Variants in KLHL4 observed in about 807,000 individuals in gnomAD.
KLHL4 encodes the protein kelch-like protein 4.
In KLHL4, 17 loss-of-function variants were observed where a neutral mutation model predicts 45.8. The observed-to-expected ratio is 0.37, with a 90% confidence interval of 0.25 to 0.56. The LOEUF (loss-of-function observed/expected upper bound fraction) is 0.56. KLHL4 is among the 20% of genes least tolerant of loss of function. The probability of loss-of-function intolerance (pLI) is 0.79; values close to 1 mark genes in which losing one functional copy is unlikely to be tolerated. For synonymous variants in KLHL4, 224 were observed against 189.9 expected, an observed-to-expected ratio of 1.18 and a Z score of -1.47; for missense variants, 544 against 544.9, an observed-to-expected ratio of 1.00 and a Z score of 0.02.
chrX:87,615,680 C>T (rs1358945795), intron 3 of KLHL4, among the ~76,000 whole-genome samples: 3 of 111,277 alleles, frequency 2.7e-5, no homozygotes, highest in African/African-American at 9.8e-5. Context: ...GATACTACAA[C>T]ATGGATGAAG....
chrX:87,638,694 C>G (rs1419329304), intron 9 of KLHL4, among the ~76,000 whole-genome samples: 2 of 111,349 alleles, frequency 1.8e-5, no homozygotes, highest in South Asian at 3.7e-4. Flanking sequence ...AAAAGGAGCT[C>G]TAAATCATGA....
At chrX:87,622,547 C>A in intron 5 of KLHL4, 124 bp downstream of exon 5, 2 of 431,828 alleles carry the variant, frequency 4.6e-6, no homozygotes, top group Non-Finnish European at 7.7e-6. Context: ...GTACAAGATT[C>A]GTTTCACAGA....
In KLHL4 at chrX:87,517,843, G is replaced by A; in HGVS notation, c.-51G>A. On this transcript the variant is annotated 5_prime_UTR_variant, in exon 1 of 11. Transcript: ENST00000373119. ...AGGCAGAAAAACAAGAGATAACAAAGGCTCCGTTTCCTTTCTGTGAGAGAA... is the reference window on the plus strand; with the variant it reads ...AGGCAGAAAAACAAGAGATAACAAAAGCTCCGTTTCCTTTCTGTGAGAGAA... 1 of 1,124,456 alleles carries A rather than the reference G, an allele frequency of 8.9e-7. No homozygotes were observed. The highest frequency in any genetic ancestry group is 2.1e-5 in the South Asian group (1 of 47,866). The allele number at this position is 1,124,456 out of a possible 1,213,427, so 92.7% of individuals were successfully genotyped here.
chrX:87,551,901 CT>C (rs1327772790), intron 1 of KLHL4, among the ~76,000 whole-genome samples: 3 of 111,575 alleles, frequency 2.7e-5, no homozygotes, highest in Non-Finnish European at 5.7e-5. Flanking sequence ...CAAAAATCAA[CT>C]CAAGAGGGAT....
intron 1 of KLHL4, among the ~76,000 whole-genome samples, chrX:87,582,316 C>T (rs755510605): frequency 1.8e-5 from 2 of 111,695 alleles, no homozygotes; most frequent in Non-Finnish European, 3.8e-5. Context: ...TCTGGAATCG[C>T]GGATGCCACC....
At chrX:87,617,753 C>A (rs5924067) in intron 3 of KLHL4, among the ~76,000 whole-genome samples, 179 bp from the exon 4 acceptor site, 41,595 of 110,358 alleles carry the variant, frequency 0.38, 6,023 homozygotes, top group Middle Eastern at 0.48. Context: ...TTCATTTCAG[C>A]CATCTTATTA....
intron 4 of KLHL4, 77 bp downstream of exon 4, chrX:87,618,205 T>G: frequency 1.3e-6 from 1 of 789,910 alleles, no homozygotes; most frequent in Non-Finnish European, 1.7e-6. Flanking sequence ...CAACATAAAC[T>G]TATATAACTT....
rs781746904 is a variant in KLHL4 at position 87,614,451 on chromosome X, T to C, written c.608T>C (p.Val203Ala). ...IPAHRLVLSA[V>A]SDYFAAMFTN... ...ATTTCCAGGTTGGTTCTCAGCGCAG[T>C]GTCTGATTATTTTGCTGCAATGTTT... The change falls in exon 3 of 11, where the codon GTG (valine) becomes GCG (alanine). Residue 203 changes from valine (V) to alanine (A), a missense_variant. By Grantham distance (64) the Val-to-Ala change is moderately conservative (BLOSUM62 0). Coordinates refer to ENST00000373119, the MANE Select transcript of KLHL4 (RefSeq NM_019117.5). The C allele has an allele frequency of 8.3e-7, 1 of 1,208,498 alleles. No individual in the cohort carries two copies. Among genetic ancestry groups the C allele is most frequent in the African/African-American group, 1.7e-5 (1 of 57,665 alleles).
Position 87,613,873 on chromosome X carries a change from T to C in KLHL4, c.423-4T>C, listed in dbSNP as rs1922462882. The C allele has an allele frequency of 8.6e-7, 1 of 1,159,384 alleles. No individual in the cohort carries two copies. Among genetic ancestry groups the C allele is most frequent in the Non-Finnish European group, 1.2e-6 (1 of 869,314 alleles). ...CCATATTCTCATCCTTACTTCCTTT[T>C]CAGATTAGATACACAACACTCTGAA... On this transcript the variant is annotated splice_region_variant and splice_polypyrimidine_tract_variant and intron_variant, in intron 1 of 10. Transcript: ENST00000373119.
intron 1 of KLHL4, among the ~76,000 whole-genome samples, chrX:87,604,370 T>C (rs1405854505): frequency 9.0e-6 from 1 of 111,645 alleles, no homozygotes; most frequent in Non-Finnish European, 1.9e-5. Flanking sequence ...TGTACTAATT[T>C]ATAATCATGC....
At chrX:87,551,903 CAA>C (rs1317522628) in intron 1 of KLHL4, among the ~76,000 whole-genome samples, 1 of 111,545 alleles carries the variant, frequency 9.0e-6, no homozygotes, top group Non-Finnish European at 1.9e-5. Context: ...AAAATCAACT[CAA>C]GAGGGATTAA....
rs1930926223 is a variant in KLHL4, at chrX:87,518,078, T to A, written c.185T>A (p.Leu62Gln). 1 of 1,209,933 alleles carries A rather than the reference T, an allele frequency of 8.3e-7. No homozygotes were observed. Among genetic ancestry groups the A allele is most frequent in the African/African-American group, 1.7e-5 (1 of 57,191 alleles). The change falls in exon 1 of 11, where the codon CTG (leucine) becomes CAG (glutamine). Residue 62 changes from leucine (L) to glutamine (Q), a missense_variant. Leu to Gln is a moderately radical substitution (Grantham distance 113). Transcript: ENST00000373119. ...AGCCACTCTCGGGACAGAAACGGAC[T>A]GAAGAAAAGCAACAGTCCTGTCCAC... ...LKSHSRDRNG[L>Q]KKSNSPVHHN... is the part of the protein sequence containing the mutation.
At chrX:87,554,227 T>G (rs1269558382) in intron 1 of KLHL4, among the ~76,000 whole-genome samples, 10 of 78,900 alleles carry the variant, frequency 1.3e-4, no homozygotes, top group African/African-American at 4.9e-4. Flanking sequence ...CTATGAACTT[T>G]AAAGTAGTTT....
chrX:87,560,454 G>T (rs900079255), intron 1 of KLHL4, among the ~76,000 whole-genome samples: 21 of 109,718 alleles, frequency 1.9e-4, no homozygotes, highest in African/African-American at 6.7e-4. Flanking sequence ...TTGTATAATG[G>T]CAAGAACACT....
At chrX:87,608,753 T>C (rs1922276861) in intron 1 of KLHL4, among the ~76,000 whole-genome samples, 2 of 110,917 alleles carry the variant, frequency 1.8e-5, no homozygotes, top group Non-Finnish European at 3.8e-5. Flanking sequence ...TTTTATTTTT[T>C]AGTGTACCCA....
At chrX:87,565,699 AAAAAAAAAAAAAAAG>A (rs1235905777) in intron 1 of KLHL4, among the ~76,000 whole-genome samples, 1 of 98,305 alleles carries the variant, frequency 1.0e-5, no homozygotes, top group Non-Finnish European at 2.0e-5. Flanking sequence ...AAAAAAAAAA[AAAAAAAAAAAAAAAG>A]GAAATGAATT....
chrX:87,657,800 G>A (rs967260219), intron 9 of KLHL4, among the ~76,000 whole-genome samples: 1 of 111,689 alleles, frequency 9.0e-6, no homozygotes, highest in Non-Finnish European at 1.9e-5. Context: ...CTATGAGGTG[G>A]GTAATGGGGT....
intron 9 of KLHL4, among the ~76,000 whole-genome samples, chrX:87,657,942 C>A (rs928284833): frequency 2.7e-5 from 3 of 111,760 alleles, no homozygotes; most frequent in Non-Finnish European, 5.6e-5. Flanking sequence ...AGTGGAGAAA[C>A]CTCTGTCATT....
In KLHL4 at chrX:87,637,308, C is replaced by T. The variant is rs932818995; in HGVS notation, c.1925+1533C>T. On this transcript the variant is annotated intron_variant, in intron 9 of 10. Transcript: ENST00000373119. ...GAGAGCACCACATCAAGGGATCACC[C>T]CCATAGGACAAAAGAATCTGAACAG... Among the ~76,000 whole-genome samples the T allele has an allele frequency of 4.5e-5, 5 of 111,839 alleles. No homozygotes were observed. The South Asian group carries it at 1.9e-3, about 42-fold the overall frequency.
Sources: allele counts gnomAD v4.1 joint callset (sites outside exome capture counted in the v4.1 genomes callset), GRCh38; gene constraint gnomAD v4.1.1; transcripts MANE v1.5; gene names NCBI Gene and HGNC (gene_info 2026-07-23, HGNC 2026-07-21).